Variants in SPOCK3 observed in about 807,000 individuals in gnomAD.
SPOCK3 encodes the protein testican-3.
Under a neutral mutation model 56.6 loss-of-function variants are expected in SPOCK3, and 30 were observed. The observed-to-expected ratio is 0.53, with a 90% CI of 0.40 to 0.72. SPOCK3 has a LOEUF of 0.72. Among genes scored for constraint, SPOCK3 ranks in the 30% least tolerant of loss-of-function variants. SPOCK3 has a pLI of 0.00. For synonymous variants in SPOCK3, 196 were observed against 183.3 expected, an observed-to-expected ratio of 1.07 and a Z score of -0.56; for missense variants, 527 against 530.0, an observed-to-expected ratio of 0.99 and a Z score of 0.06.
At chr4:166,946,678 C>T (rs1230126246) in intron 4 of SPOCK3, among the ~76,000 whole-genome samples, 4 of 152,086 alleles carry the variant, frequency 2.6e-5, no homozygotes, top group African/African-American at 4.8e-5. Context: ...TCTTCCCCTA[C>T]TCTACATTTT....
At chr4:166,977,060 T>A (rs192128797) in intron 4 of SPOCK3, among the ~76,000 whole-genome samples, 1 of 152,224 alleles carries the variant, frequency 6.6e-6, no homozygotes, top group East Asian at 1.9e-4. Flanking sequence ...AACTTGTATT[T>A]GAAACTTTTA....
chr4:167,081,251 CTG>C (rs1757680221), intron 2 of SPOCK3, among the ~76,000 whole-genome samples: 1 of 152,120 alleles, frequency 6.6e-6, no homozygotes, highest in South Asian at 2.1e-4. Flanking sequence ...AACTGAAAAA[CTG>C]TGAATAATAT....
At chr4:167,030,085 C>CTATCTATT (rs1554022257) in intron 3 of SPOCK3, among the ~76,000 whole-genome samples, 2 of 87,174 alleles carry the variant, frequency 2.3e-5, no homozygotes, top group African/African-American at 6.9e-5. Flanking sequence ...ATGGCTCATT[C>CTATCTATT]TATCTATCTA....
intron 2 of SPOCK3, among the ~76,000 whole-genome samples, chr4:167,174,790 A>C (rs1025479667): frequency 6.6e-6 from 1 of 152,218 alleles, no homozygotes; most frequent in African/African-American, 2.4e-5. Context: ...TTGTTTGAAA[A>C]TTATGCAAAC....
chr4:167,224,714 C>T (rs1265379638), intron 2 of SPOCK3, among the ~76,000 whole-genome samples: 1 of 152,122 alleles, frequency 6.6e-6, no homozygotes, highest in East Asian at 1.9e-4. Context: ...GGCTGGAGTG[C>T]AGGCACATGA....
intron 4 of SPOCK3, among the ~76,000 whole-genome samples, chr4:166,957,187 G>T (rs1743596293): frequency 6.6e-6 from 1 of 152,228 alleles, no homozygotes; most frequent in Non-Finnish European, 1.5e-5. Context: ...CTAGGAGGCA[G>T]AAGTGGCAGT....
At chr4:167,125,447 C>G (rs1762193460) in intron 2 of SPOCK3, among the ~76,000 whole-genome samples, 1 of 149,824 alleles carries the variant, frequency 6.7e-6, no homozygotes, top group Non-Finnish European at 1.5e-5. Flanking sequence ...GGCGCGGTGG[C>G]TCACGCCTGT....
At chr4:166,998,889 CA>C (rs1444404733) in intron 4 of SPOCK3, among the ~76,000 whole-genome samples, 3 of 152,078 alleles carry the variant, frequency 2.0e-5, no homozygotes, top group Non-Finnish European at 4.4e-5. Context: ...TACACACATT[CA>C]CATACTAATG....
intron 6 of SPOCK3, among the ~76,000 whole-genome samples, chr4:166,854,459 T>C (rs1266457616): frequency 6.6e-6 from 1 of 152,192 alleles, no homozygotes; most frequent in Non-Finnish European, 1.5e-5. Flanking sequence ...AATACACAAA[T>C]AGCTACAATA....
At chr4:166,853,980 A>T (rs1403292351) in intron 6 of SPOCK3, among the ~76,000 whole-genome samples, 1 of 152,202 alleles carries the variant, frequency 6.6e-6, no homozygotes, top group Non-Finnish European at 1.5e-5. Flanking sequence ...ACAAAATGTA[A>T]ATCAGCCTTT....
rs796676677 is a variant in SPOCK3, at chr4:166,847,680, TAA to T, written c.589+41448_589+41449del. On this transcript the variant is annotated intron_variant, in intron 6 of 10. Coordinates refer to ENST00000357545, the MANE Select transcript of SPOCK3 (RefSeq NM_001040159.2). ...ATATATATATATATATATATATATA[TAA>T]GAATCATGTTTACTTTTTTTTACAG... Among the ~76,000 whole-genome samples the T allele has an allele frequency of 0.01, 961 of 93,846 alleles. 18 individuals carry two copies. In the East Asian group the frequency reaches 0.13, roughly 12 times the overall value. The allele number at this position is 93,846 out of a possible 152,430, so 61.6% of individuals were successfully genotyped here. A position where few individuals can be genotyped will look rare whatever the true frequency, so the allele number is the denominator to read the frequency against.
chr4:166,922,759 G>A (rs1232269717), intron 4 of SPOCK3, among the ~76,000 whole-genome samples: 6 of 152,148 alleles, frequency 3.9e-5, no homozygotes, highest in African/African-American at 1.4e-4. Context: ...AAGCAGCAGG[G>A]CAGTAAAAGA....
intron 2 of SPOCK3, among the ~76,000 whole-genome samples, chr4:167,205,490 A>ATATATAATATATAT (rs1308089061): frequency 1.9e-5 from 1 of 53,072 alleles, no homozygotes; most frequent in Non-Finnish European, 3.2e-5. Context: ...ATAATATATA[A>ATATATAATATATAT]TATATAATAT....
At chr4:166,781,405 G>A (rs527361918) in intron 7 of SPOCK3, among the ~76,000 whole-genome samples, 20 of 147,510 alleles carry the variant, frequency 1.4e-4, no homozygotes, top group African/African-American at 5.0e-4. Context: ...AGGATGATAA[G>A]GAGAAAGAGA....
At chr4:166,811,092 T>G (rs1040928148) in intron 6 of SPOCK3, among the ~76,000 whole-genome samples, 2 of 151,906 alleles carry the variant, frequency 1.3e-5, no homozygotes, top group African/African-American at 4.8e-5. Context: ...TATCCTCTTC[T>G]CTATAAACGA....
chr4:166,871,617 T>C (rs754233285), intron 6 of SPOCK3, among the ~76,000 whole-genome samples: 1 of 59,928 alleles, frequency 1.7e-5, no homozygotes, highest in African/African-American at 7.8e-5. Flanking sequence ...GTGAATTCTA[T>C]GGAACATTTA....
intron 2 of SPOCK3, among the ~76,000 whole-genome samples, chr4:167,072,381 T>A (rs1756767402): frequency 6.6e-6 from 1 of 151,998 alleles, no homozygotes; most frequent in South Asian, 2.1e-4. Flanking sequence ...ACAGCAGAGT[T>A]CAGTAGTTAT....
At chr4:166,840,989 A>G (rs1021170731) in intron 6 of SPOCK3, among the ~76,000 whole-genome samples, 3 of 151,846 alleles carry the variant, frequency 2.0e-5, no homozygotes, top group South Asian at 4.2e-4. Flanking sequence ...CGTGTTAGCC[A>G]GGATAGTCTC....
At chr4:166,812,634 C>T (rs1242358130) in intron 6 of SPOCK3, among the ~76,000 whole-genome samples, 4 of 151,798 alleles carry the variant, frequency 2.6e-5, no homozygotes, top group Non-Finnish European at 5.9e-5. Flanking sequence ...ATTTCCATTG[C>T]ATTTATATTT....
Sources: gnomAD v4.1 joint callset for allele counts (sites outside exome capture counted in the v4.1 genomes callset) on GRCh38, gnomAD v4.1.1 for gene constraint, MANE v1.5 for transcripts, NCBI Gene and HGNC (gene_info 2026-07-23, HGNC 2026-07-21) for gene names.